TMEM71: variants seen among roughly 807,000 people sequenced by gnomAD.
TMEM71 encodes transmembrane protein 71.
In TMEM71, 44 loss-of-function variants were observed where a neutral mutation model predicts 38.0. That is an observed-to-expected ratio of 1.16 (90% CI 0.91 to 1.49). The LOEUF (loss-of-function observed/expected upper bound fraction) is 1.49, where lower values mean the gene tolerates loss of function less well. Ranked by LOEUF, TMEM71 falls within the 40% of genes most tolerant of loss-of-function variation. The probability of loss-of-function intolerance (pLI) is 0.00; values close to 1 mark genes in which losing one functional copy is unlikely to be tolerated. For synonymous variants in TMEM71, 133 were observed against 122.5 expected, an observed-to-expected ratio of 1.09 and a Z score of -0.56; for missense variants, 367 against 348.6, an observed-to-expected ratio of 1.05 and a Z score of -0.42.
At chr8:132,727,739 C>G in intron 6 of TMEM71, 59 bp downstream of exon 6, 1 of 1,449,760 alleles carries the variant, frequency 6.9e-7, no homozygotes, top group Non-Finnish European at 9.4e-7. Context: ...AAGTCATTCT[C>G]AGGCTCTGAA....
chr8:132,712,270 A>C, intron 9 of TMEM71, among the ~76,000 whole-genome samples: 1 of 152,092 alleles, frequency 6.6e-6, no homozygotes, highest in African/African-American at 2.4e-5. Flanking sequence ...TATGTACACA[A>C]ATAATCAAAG....
chr8:132,760,813 G>T (rs1382952317), upstream of TMEM71: 1 of 152,176 alleles, frequency 6.6e-6, no homozygotes, highest in Non-Finnish European at 1.5e-5. Context: ...CACTGGAGGG[G>T]TGGTTTTCTG....
chr8:132,721,970 G>C (rs1460070983), intron 7 of TMEM71, 70 bp downstream of exon 7: 5 of 1,335,740 alleles, frequency 3.7e-6, no homozygotes, highest in African/African-American at 1.4e-5. Context: ...AATAAGGCAA[G>C]GAAATCATCA....
intron 6 of TMEM71, among the ~76,000 whole-genome samples, chr8:132,727,222 T>C (rs1397728797): frequency 1.3e-5 from 2 of 151,868 alleles, no homozygotes; most frequent in Admixed American, 6.6e-5. Context: ...TCCACTTTGC[T>C]TTATTGAAGC....
the TMEM71 span, among the ~76,000 whole-genome samples, chr8:132,770,454 C>T: frequency 6.6e-6 from 1 of 152,172 alleles, no homozygotes; most frequent in Non-Finnish European, 1.5e-5. Context: ...AAGTCATCCC[C>T]ATGGCCACCA....
At chr8:132,772,517 G>A in the TMEM71 span, among the ~76,000 whole-genome samples, 1 of 152,120 alleles carries the variant, frequency 6.6e-6, no homozygotes, top group Non-Finnish European at 1.5e-5. Context: ...CTCTGATCCT[G>A]ACCTTTGACT....
At chr8:132,729,931 C>G (rs1198278606) in intron 5 of TMEM71, among the ~76,000 whole-genome samples, 1 of 151,828 alleles carries the variant, frequency 6.6e-6, no homozygotes, top group African/African-American at 2.4e-5. Flanking sequence ...TCCGCCAACA[C>G]TTTATAAGTA....
At chr8:132,751,748 G>T in intron 4 of TMEM71, 37 bp downstream of exon 4, 2 of 1,554,944 alleles carry the variant, frequency 1.3e-6, no homozygotes, top group South Asian at 1.1e-5. Context: ...TGGATGGATT[G>T]GACTTCAGAT....
At chr8:132,747,352 A>C (rs1828447614) in intron 4 of TMEM71, among the ~76,000 whole-genome samples, 1 of 152,246 alleles carries the variant, frequency 6.6e-6, no homozygotes, top group African/African-American at 2.4e-5. Context: ...AAAGAAAGAA[A>C]TAATAATGCA....
chr8:132,755,701 A>G (rs2131198818), intron 3 of TMEM71, among the ~76,000 whole-genome samples: 1 of 152,356 alleles, frequency 6.6e-6, no homozygotes, highest in African/African-American at 2.4e-5. Context: ...TGATATTTTT[A>G]CATCTAAAAG....
the TMEM71 span, chr8:132,775,396 CCGG>C: frequency 2.6e-6 from 1 of 379,814 alleles, no homozygotes; most frequent in Non-Finnish European, 4.6e-6. Flanking sequence ...TCAGGGCTGG[CCGG>C]CGGCGGAGGC....
At chr8:132,746,803 A>T in intron 5 of TMEM71, 139 bp downstream of exon 5, 2 of 607,900 alleles carry the variant, frequency 3.3e-6, no homozygotes, top group South Asian at 3.4e-5. Flanking sequence ...AGAGAACTTT[A>T]AGTGAATTTT....
In TMEM71 at chr8:132,758,838, A is replaced by G. The variant is rs1829175403; in HGVS notation, c.40+2T>C. ...TGCGTATCACAGTTCTTCTACATTT[A>G]CTTGCTACTGGTGTTGACATCAGTT... On this transcript the variant is annotated splice_donor_variant, in intron 2 of 9. Transcript: ENST00000677595. LOFTEE classifies it high-confidence loss of function. 6.2e-7 allele frequency: 1 copy of G among 1,613,278 alleles called. No individual in the cohort carries two copies. Among genetic ancestry groups the G allele is most frequent in the South Asian group, 1.1e-5 (1 of 91,042 alleles).
At chr8:132,725,598 G>T (rs561915315) in intron 6 of TMEM71, among the ~76,000 whole-genome samples, 6 of 152,316 alleles carry the variant, frequency 3.9e-5, no homozygotes, top group South Asian at 2.1e-4. Flanking sequence ...TTGGCACCTG[G>T]AAAAGAACAC....
intron 7 of TMEM71, among the ~76,000 whole-genome samples, chr8:132,718,358 T>A (rs1407559106): frequency 6.6e-6 from 1 of 151,980 alleles, no homozygotes; most frequent in East Asian, 1.9e-4. Flanking sequence ...AACTTTAAAC[T>A]TGGTCGACAT....
chr8:132,711,887 C>T (rs1376616325), intron 9 of TMEM71, among the ~76,000 whole-genome samples: 1 of 151,856 alleles, frequency 6.6e-6, no homozygotes, highest in African/African-American at 2.4e-5. Context: ...AATTCAGTTC[C>T]TTAGATTCTC....
chr8:132,752,828 A>AAAGG (rs71299033), intron 3 of TMEM71, among the ~76,000 whole-genome samples: 7,631 of 118,296 alleles, frequency 0.065, 295 homozygotes, highest in East Asian at 0.086. Context: ...GGGAAGGAAG[A>AAAGG]AAGGAAGGAA....
chr8:132,734,777 A>G (rs1827653345), intron 5 of TMEM71, among the ~76,000 whole-genome samples: 1 of 152,194 alleles, frequency 6.6e-6, no homozygotes, highest in Non-Finnish European at 1.5e-5. Context: ...AAGGCAAAAA[A>G]TATTTTACCA....
chr8:132,715,536 T>A (rs868399428), intron 7 of TMEM71, among the ~76,000 whole-genome samples: 2 of 151,642 alleles, frequency 1.3e-5, no homozygotes, highest in Middle Eastern at 6.8e-3. Flanking sequence ...TGCTTACAAA[T>A]TTAAACTTAG....
Sources: allele counts gnomAD v4.1 joint callset (sites outside exome capture counted in the v4.1 genomes callset), GRCh38; gene constraint gnomAD v4.1.1; transcripts MANE v1.5; gene names NCBI Gene and HGNC (gene_info 2026-07-23, HGNC 2026-07-21).